PLG: variants seen among roughly 807,000 people sequenced by gnomAD.
PLG encodes the protein plasmin.
PLG carries 41 observed loss-of-function variants against 104.4 expected under a neutral mutation model. The ratio of observed to expected loss-of-function variants is 0.39; its 90% CI spans 0.31 to 0.51. PLG has a LOEUF of 0.51. PLG is among the 20% of genes least tolerant of loss of function. The probability of loss-of-function intolerance (pLI) is 0.76; values close to 1 mark genes in which losing one functional copy is unlikely to be tolerated. For missense variants in PLG, 891 were observed against 1,003.6 expected (o/e 0.89, Z 1.52); for synonymous variants, 337 against 357.1 (o/e 0.94, Z 0.63).
intron 9 of PLG, among the ~76,000 whole-genome samples, chr6:160,720,717 C>T (rs1399871555): frequency 6.6e-6 from 1 of 152,026 alleles, no homozygotes; most frequent in Non-Finnish European, 1.5e-5. Context: ...CCGTGCCCAG[C>T]CTAGATTGTT....
At chr6:160,704,423 G>C (rs958181873) in intron 1 of PLG, among the ~76,000 whole-genome samples, 1 of 152,190 alleles carries the variant, frequency 6.6e-6, no homozygotes, top group African/African-American at 2.4e-5. Context: ...GTTGTAGCCT[G>C]CTCTGCTATA....
rs779662364 is a variant in PLG, at chr6:160,733,987, GT to G, written c.1588-4del. 62 of 1,562,970 alleles carry G rather than the reference GT, an allele frequency of 4.0e-5. 1 individual carries two copies. The Admixed American group carries it at 1.0e-3, about 26-fold the overall frequency. On this transcript the variant is annotated splice_polypyrimidine_tract_variant and splice_region_variant and intron_variant, in intron 12 of 18. Transcript: ENST00000308192. The stretch of plus-strand genomic sequence containing the variant: ...TGAGCTGGAGCTTACATGCCTTCTT[GT>G]TTTCAGTACTGCCGTAACCCTGATG...
Position 160,714,515 on chromosome 6 carries a change from A to G in PLG, c.548-279A>G, listed in dbSNP as rs780308695. 4.2e-4 allele frequency among the ~76,000 whole-genome samples: 64 copies of G among 152,344 alleles called. 1 individual carries two copies. Among genetic ancestry groups the G allele is most frequent in the Admixed American group, 1.5e-3 (23 of 15,302 alleles). ...GTGCATCCCGGTCTAAGGACATGGC[A>G]TCATGGAAATTCTGAACTTGGTCAT... On this transcript the variant is annotated intron_variant, in intron 5 of 18. Coordinates refer to ENST00000308192, the MANE Select transcript of PLG (RefSeq NM_000301.5).
At chr6:160,711,515 C>T in intron 4 of PLG, 2 of 1,534,840 alleles carry the variant, frequency 1.3e-6, no homozygotes, top group South Asian at 1.2e-5. Context: ...CCCATGGATA[C>T]AGAGGGCCAA....
At chr6:160,728,283 T>C (rs915973894) in intron 10 of PLG, among the ~76,000 whole-genome samples, 1 of 152,228 alleles carries the variant, frequency 6.6e-6, no homozygotes, top group Admixed American at 6.5e-5. Context: ...TAAAAAACAT[T>C]GTTAAGGAAG....
intron 3 of PLG, among the ~76,000 whole-genome samples, chr6:160,708,984 CCT>C (rs1777585258): frequency 6.6e-6 from 1 of 151,490 alleles, no homozygotes; most frequent in South Asian, 2.1e-4. Context: ...AAAAAAAAAC[CCT>C]GATTCTCCTG....
chr6:160,752,035 G>A lies in PLG; in HGVS notation c.2126-80G>A. 7.8e-7 allele frequency: 1 copy of A among 1,282,344 alleles called. No homozygotes were observed. The highest frequency in any genetic ancestry group is 1.2e-5 in the South Asian group (1 of 83,768). The allele number at this position is 1,282,344 out of a possible 1,614,324, so 79.4% of individuals were successfully genotyped here. On this transcript the variant is annotated intron_variant, in intron 17 of 18. Coordinates refer to ENST00000308192, the MANE Select transcript of PLG (RefSeq NM_000301.5). This position sits in a 1 kb window ranked among gnomAD's most constrained non-coding sequence, Gnocchi z 4.7. ...TGCAGCCTCACAGACAGGAGGTCCA[G>A]TGCCGCTGCTCTGTTCTGGAATATC...
chr6:160,738,994 A>C lies in PLG; in HGVS notation c.1878-74A>C. The C allele has an allele frequency of 6.3e-7, 1 of 1,580,352 alleles. No homozygotes were observed. Among genetic ancestry groups the C allele is most frequent in the South Asian group, 1.1e-5 (1 of 90,334 alleles). ...TGGCCAAGGGTGTCAGGGAGACAGCACCAATTTCATGGCACAGAGGTTACC... is the reference window on the plus strand; with the variant it reads ...TGGCCAAGGGTGTCAGGGAGACAGCCCCAATTTCATGGCACAGAGGTTACC... On this transcript the variant is annotated intron_variant, in intron 15 of 18. Coordinates refer to ENST00000308192, the MANE Select transcript of PLG (RefSeq NM_000301.5). The surrounding 1 kb of genome is among the most constrained non-coding windows in gnomAD (Gnocchi z 6.8).
Position 160,713,103 on chromosome 6 carries a change from C to A in PLG, c.525C>A (p.Tyr175Ter). 6.2e-7 allele frequency: 1 copy of A among 1,610,528 alleles called. No individual in the cohort carries two copies. The highest frequency in any genetic ancestry group is 8.5e-7 in the Non-Finnish European group (1 of 1,178,510). Residue 175 changes from tyrosine to a stop codon, truncating the protein, a stop_gained, in exon 5 of 19, where the codon TAC becomes TAA. Coordinates refer to ENST00000308192, the MANE Select transcript of PLG (RefSeq NM_000301.5). LOFTEE classifies it high-confidence loss of function. ...YTTDPEKRYD[Y>*]CDILECEEEC... ...CTGATCCAGAAAAGAGATATGACTA[C>A]TGCGACATTCTTGAGTGTGAAGGTC...
chr6:160,705,248 CA>C (rs1777497735), intron 1 of PLG: 1 of 152,314 alleles, frequency 6.6e-6, no homozygotes, highest in Non-Finnish European at 1.5e-5. Flanking sequence ...ATAGAGCTAC[CA>C]AAGCTCAGCC....
At chr6:160,727,762 A>T (rs775995505) in intron 10 of PLG, among the ~76,000 whole-genome samples, 1 of 152,018 alleles carries the variant, frequency 6.6e-6, no homozygotes, top group Non-Finnish European at 1.5e-5. Flanking sequence ...CAAACTATGA[A>T]TAGACTGGAA....
In PLG at chr6:160,735,111, G is replaced by A. The variant is rs1247171153; in HGVS notation, c.1681+1023G>A. On this transcript the variant is annotated intron_variant, in intron 13 of 18. Transcript: ENST00000308192. This position sits in a 1 kb window ranked among gnomAD's most constrained non-coding sequence, Gnocchi z 5.4. ...TACTTGGCCAATATTATTGTAATGC[G>A]GCATTGTGATCTCTGGATTTAGCAT... Among the ~76,000 whole-genome samples, 3 of 152,252 alleles carry A rather than the reference G, an allele frequency of 2.0e-5. No individual in the cohort carries two copies. Among genetic ancestry groups the A allele is most frequent in the Non-Finnish European group, 2.9e-5 (2 of 68,022 alleles).
rs1318642534 is a variant in PLG at position 160,734,911 on chromosome 6, G to A, written c.1681+823G>A. On this transcript the variant is annotated intron_variant, in intron 13 of 18. Coordinates refer to ENST00000308192, the MANE Select transcript of PLG (RefSeq NM_000301.5). The surrounding 1 kb of genome is among the most constrained non-coding windows in gnomAD (Gnocchi z 4.4). ...TGCCATGTGGAGGGACCTTGAGCTG[G>A]GGGAAGGAGCTTGGCCTCCAAGTCC... Among the ~76,000 whole-genome samples, 1 of 151,872 alleles carries A rather than the reference G, an allele frequency of 6.6e-6. No homozygotes were observed. Among genetic ancestry groups the A allele is most frequent in the Non-Finnish European group, 1.5e-5 (1 of 67,920 alleles).
chr6:160,748,350 G>GAGAAAGAAAGAAAA (rs1554252935), intron 17 of PLG, among the ~76,000 whole-genome samples: 2 of 49,404 alleles, frequency 4.0e-5, no homozygotes, highest in African/African-American at 1.4e-4. Context: ...AGAAAAGAAA[G>GAGAAAGAAAGAAAA]AGAAAGAAAG....
intron 17 of PLG, among the ~76,000 whole-genome samples, chr6:160,742,519 G>C (rs1250814072): frequency 6.6e-6 from 1 of 151,126 alleles, no homozygotes; most frequent in Non-Finnish European, 1.5e-5. Context: ...TTGTAAATTT[G>C]TTTAAGTTCC....
At chr6:160,743,099 C>G (rs547126330) in intron 17 of PLG, among the ~76,000 whole-genome samples, 2 of 151,378 alleles carry the variant, frequency 1.3e-5, no homozygotes, top group African/African-American at 4.9e-5. Flanking sequence ...TGTGATGTCT[C>G]CAGCTTTGTT....
At position 160,741,832 on chromosome 6, in the gene PLG, G is replaced by A. The variant is rs1778201117; in HGVS notation, c.2125+415G>A. On this transcript the variant is annotated intron_variant, in intron 17 of 18. Transcript: ENST00000308192. The surrounding 1 kb of genome is among the most constrained non-coding windows in gnomAD (Gnocchi z 4.7). ...CCTCCCACTCTTCTCCCTCAAGTAG[G>A]CCCCAGTGTCTGTTGCTCTCTTCTT... Among the ~76,000 whole-genome samples the A allele has an allele frequency of 6.6e-6, 1 of 151,902 alleles. No homozygotes were observed. Among genetic ancestry groups the A allele is most frequent in the Admixed American group, 6.6e-5 (1 of 15,250 alleles).
intron 17 of PLG, among the ~76,000 whole-genome samples, chr6:160,742,729 T>C (rs1185016590): frequency 6.6e-6 from 1 of 152,214 alleles, no homozygotes. Flanking sequence ...CCCGTTCCTA[T>C]GTCCAGGATG....
intron 17 of PLG, among the ~76,000 whole-genome samples, chr6:160,749,717 C>T: frequency 6.6e-6 from 1 of 151,584 alleles, no homozygotes; most frequent in South Asian, 2.1e-4. Context: ...TTATGATTAC[C>T]ACCACCATTA....
Sources: allele counts gnomAD v4.1 joint callset (sites outside exome capture counted in the v4.1 genomes callset), GRCh38; gene constraint gnomAD v4.1.1; non-coding constraint Gnocchi (gnomAD v3.1); transcripts MANE v1.5; gene names NCBI Gene and HGNC (gene_info 2026-07-23, HGNC 2026-07-21).